Variants in ITGA2 observed in about 807,000 individuals in gnomAD.
ITGA2 encodes integrin subunit alpha 2, also known as integrin alpha-2.
Under a neutral mutation model 146.3 loss-of-function variants are expected in ITGA2, and 101 were observed. The ratio of observed to expected loss-of-function variants is 0.69; its 90% confidence interval spans 0.59 to 0.81. The LOEUF (loss-of-function observed/expected upper bound fraction) is 0.81, where lower values mean the gene tolerates loss of function less well. ITGA2 is among the 40% of genes least tolerant of loss of function. The probability of loss-of-function intolerance (pLI) is 0.00; values close to 1 mark genes in which losing one functional copy is unlikely to be tolerated. For synonymous variants in ITGA2, 477 were observed against 487.1 expected (o/e 0.98, Z 0.27); for missense variants, 1,281 against 1,402.7 (o/e 0.91, Z 1.39).
intron 1 of ITGA2, among the ~76,000 whole-genome samples, chr5:53,001,045 G>A (rs562688163): frequency 6.6e-6 from 1 of 151,836 alleles, no homozygotes; most frequent in Admixed American, 6.6e-5. Flanking sequence ...GGTAATACAG[G>A]TGTGTACCAC....
At chr5:53,044,032 T>A (rs1315250606) in intron 3 of ITGA2, among the ~76,000 whole-genome samples, 4 of 151,810 alleles carry the variant, frequency 2.6e-5, no homozygotes, top group African/African-American at 9.7e-5. Context: ...CCTAGCACTT[T>A]GGGAGGCCGA....
intron 7 of ITGA2, among the ~76,000 whole-genome samples, chr5:53,051,829 G>T (rs1346870305): frequency 2.0e-5 from 3 of 152,074 alleles, no homozygotes; most frequent in African/African-American, 7.2e-5. Context: ...GAAATGAGAA[G>T]ACCTTAGATT....
intron 2 of ITGA2, among the ~76,000 whole-genome samples, chr5:53,029,250 T>TG (rs1743107998): frequency 6.6e-6 from 1 of 152,088 alleles, no homozygotes; most frequent in Non-Finnish European, 1.5e-5. Flanking sequence ...CTAGCTTGGG[T>TG]GACAGAGTGA....
At chr5:53,081,719 A>G in intron 26 of ITGA2, 23 bp downstream of exon 26, 1 of 1,474,724 alleles carries the variant, frequency 6.8e-7, no homozygotes, top group Non-Finnish European at 9.5e-7. Flanking sequence ...TAACGTGTGA[A>G]AGCTCCCCTC....
chr5:52,996,409 G>C (rs1741256110), intron 1 of ITGA2, among the ~76,000 whole-genome samples: 1 of 152,156 alleles, frequency 6.6e-6, no homozygotes, highest in Non-Finnish European at 1.5e-5. Flanking sequence ...TCCAGCACTA[G>C]TAACAGCTCT....
At chr5:53,085,863 GA>G (rs1746131982) in intron 27 of ITGA2, among the ~76,000 whole-genome samples, 1 of 152,100 alleles carries the variant, frequency 6.6e-6, no homozygotes, top group South Asian at 2.1e-4. Context: ...CTAATGTAGA[GA>G]AAATAGTGAA....
At chr5:53,089,660 ATAAG>A (rs1278411715) in intron 28 of ITGA2, among the ~76,000 whole-genome samples, 2 of 152,222 alleles carry the variant, frequency 1.3e-5, no homozygotes, top group Non-Finnish European at 2.9e-5. Flanking sequence ...TTTCTATTTC[ATAAG>A]TAAGATAAGC....
intron 2 of ITGA2, among the ~76,000 whole-genome samples, chr5:53,030,342 A>T (rs1743166175): frequency 6.6e-6 from 1 of 152,236 alleles, no homozygotes; most frequent in Non-Finnish European, 1.5e-5. Flanking sequence ...ATGTATAAAC[A>T]CAGGACAATA....
intron 1 of ITGA2, among the ~76,000 whole-genome samples, chr5:53,010,577 T>A (rs1742074877): frequency 6.6e-6 from 1 of 152,158 alleles, no homozygotes; most frequent in Non-Finnish European, 1.5e-5. Flanking sequence ...GGCATCTCAC[T>A]CACACCAAAT....
At chr5:53,011,168 T>C (rs1742106864) in intron 1 of ITGA2, among the ~76,000 whole-genome samples, 1 of 152,130 alleles carries the variant, frequency 6.6e-6, no homozygotes, top group Non-Finnish European at 1.5e-5. Flanking sequence ...GGTAATTTGT[T>C]ACAGCAGCCA....
chr5:53,008,329 T>A (rs778058872), intron 1 of ITGA2, among the ~76,000 whole-genome samples: 2 of 148,072 alleles, frequency 1.4e-5, no homozygotes, highest in Non-Finnish European at 3.0e-5. Context: ...GGGACATCAG[T>A]CATACTAGAT....
intron 1 of ITGA2, among the ~76,000 whole-genome samples, chr5:53,019,202 T>C (rs1359952677): frequency 2.0e-5 from 3 of 152,202 alleles, no homozygotes; most frequent in Non-Finnish European, 1.5e-5. Context: ...AATGATTTAT[T>C]GAACCACAAA....
chr5:53,064,770 C>A, intron 13 of ITGA2, 142 bp from the exon 14 acceptor site: 1 of 779,236 alleles, frequency 1.3e-6, no homozygotes, highest in Non-Finnish European at 2.2e-6. Context: ...GTCTCAAATA[C>A]CTGGCTTCAA....
At chr5:53,003,926 T>A (rs1741704574) in intron 1 of ITGA2, among the ~76,000 whole-genome samples, 1 of 152,074 alleles carries the variant, frequency 6.6e-6, no homozygotes, top group Admixed American at 6.5e-5. Context: ...GATTACAAAC[T>A]TTTGAGAGAC....
intron 22 of ITGA2, 33 bp downstream of exon 22, chr5:53,075,170 G>T: frequency 6.2e-7 from 1 of 1,602,398 alleles, no homozygotes; most frequent in Non-Finnish European, 8.5e-7. Flanking sequence ...ATGGAATGAT[G>T]GATAGCTTTG....
rs1740795531 is a variant in ITGA2 at position 52,989,397 on chromosome 5, CCCTCGGCCAAGGGTAT to C, written c.-67_-52del. 1 of 1,489,760 alleles carries C rather than the reference CCCTCGGCCAAGGGTAT, an allele frequency of 6.7e-7. No individual in the cohort carries two copies. The highest frequency in any genetic ancestry group is 9.4e-7 in the Non-Finnish European group (1 of 1,066,962). 92.3% of individuals were successfully genotyped at this position (1,489,760 alleles called of 1,614,324 possible). ...TTCTAGAGTGTGCAGGTTCTCGTAT[CCCTCGGCCAAGGGTAT>C]CCTCTGCAAACCTCTGCAAACCCAG... On this transcript the variant is annotated 5_prime_UTR_variant, in exon 1 of 30. Coordinates refer to ENST00000296585, the MANE Select transcript of ITGA2 (RefSeq NM_002203.4).
chr5:52,989,629 C>CCTA, intron 1 of ITGA2, 97 bp downstream of exon 1: 2 of 1,342,334 alleles, frequency 1.5e-6, no homozygotes, highest in Non-Finnish European at 2.1e-6. Flanking sequence ...GAGCGAGCTC[C>CCTA]GTGTGTTCCC....
chr5:53,025,102 A>G (rs1327196192), intron 1 of ITGA2, among the ~76,000 whole-genome samples: 1 of 152,136 alleles, frequency 6.6e-6, no homozygotes, highest in Non-Finnish European at 1.5e-5. Flanking sequence ...AGAATTAGGT[A>G]TTTTAAAGGT....
At chr5:53,031,079 A>G in intron 2 of ITGA2, among the ~76,000 whole-genome samples, 1 of 152,218 alleles carries the variant, frequency 6.6e-6, no homozygotes, top group East Asian at 1.9e-4. Flanking sequence ...GGAACCCAGA[A>G]TTGCCTGTTT....
Sources: gnomAD v4.1 joint callset for allele counts (sites outside exome capture counted in the v4.1 genomes callset) on GRCh38, gnomAD v4.1.1 for gene constraint, MANE v1.5 for transcripts, NCBI Gene and HGNC (gene_info 2026-07-23, HGNC 2026-07-21) for gene names.